The following ELMO1 variants were observed in gnomAD, a reference collection of about 807,000 sequenced individuals.
The protein encoded by ELMO1 is engulfment and cell motility 1, also known as engulfment and cell motility protein 1.
In ELMO1, 26 loss-of-function variants were observed where a neutral mutation model predicts 98.9. The ratio of observed to expected loss-of-function variants is 0.26; its 90% CI spans 0.19 to 0.36. The LOEUF is 0.36. ELMO1 is among the 10% of genes least tolerant of loss of function. The pLI is 1.00. For missense variants in ELMO1, 627 were observed against 935.2 expected (o/e 0.67, Z 4.30); for synonymous variants, 346 against 346.0 (o/e 1.00, Z 0.00).
At chr7:37,108,780 C>A (rs770075585) in intron 14 of ELMO1, among the ~76,000 whole-genome samples, 2 of 152,184 alleles carry the variant, frequency 1.3e-5, no homozygotes, top group Non-Finnish European at 2.9e-5. Flanking sequence ...AGTTATTGAA[C>A]AAGTGCATGG....
intron 1 of ELMO1, among the ~76,000 whole-genome samples, chr7:37,447,714 C>CCACACACACACACACACA (rs3054415): frequency 6.4e-4 from 84 of 132,242 alleles, no homozygotes; most frequent in African/African-American, 1.0e-3. Context: ...CGCGCACACA[C>CCACACACACACACACACA]CACACACACA....
At chr7:36,861,511 G>A (rs1205078339) in intron 21 of ELMO1, 148 bp downstream of exon 21, 3 of 800,746 alleles carry the variant, frequency 3.7e-6, no homozygotes, top group Non-Finnish European at 5.9e-6. Flanking sequence ...TTTGTCAAGA[G>A]GTTTCTATTC....
intron 16 of ELMO1, among the ~76,000 whole-genome samples, chr7:36,934,284 A>G (rs912095879): frequency 6.6e-6 from 1 of 152,218 alleles, no homozygotes. Flanking sequence ...ACGCTTTCTT[A>G]AAAGGCTCAG....
chr7:36,914,729 G>C (rs1031898768), intron 16 of ELMO1, among the ~76,000 whole-genome samples: 3 of 152,148 alleles, frequency 2.0e-5, no homozygotes, highest in Admixed American at 1.3e-4. Context: ...GGCCAGGATG[G>C]TCTCGATCTT....
intron 14 of ELMO1, among the ~76,000 whole-genome samples, chr7:37,113,398 C>T (rs1785372606): frequency 6.6e-6 from 1 of 152,134 alleles, no homozygotes; most frequent in Non-Finnish European, 1.5e-5. Flanking sequence ...CAGTGAATAT[C>T]GAGCATGTAA....
At chr7:36,968,701 G>T (rs530029079) in intron 16 of ELMO1, among the ~76,000 whole-genome samples, 1 of 152,092 alleles carries the variant, frequency 6.6e-6, no homozygotes, top group East Asian at 1.9e-4. Context: ...TGCCTTAACA[G>T]AAATAGTTCT....
At chr7:37,242,642 G>C (rs1794817415) in intron 7 of ELMO1, among the ~76,000 whole-genome samples, 1 of 152,226 alleles carries the variant, frequency 6.6e-6, no homozygotes, top group Admixed American at 6.5e-5. Flanking sequence ...AGTGACAGCT[G>C]ACATCTTTGC....
At chr7:37,204,051 C>T (rs1425082873) in intron 13 of ELMO1, 3 of 454,252 alleles carry the variant, frequency 6.6e-6, no homozygotes, top group Non-Finnish European at 1.3e-5. Context: ...ATTTAGCCCC[C>T]GAATTCTAAG....
chr7:36,944,042 C>G (rs1259720551), intron 16 of ELMO1, among the ~76,000 whole-genome samples: 1 of 152,174 alleles, frequency 6.6e-6, no homozygotes, highest in Non-Finnish European at 1.5e-5. Flanking sequence ...ACAGGTGGGG[C>G]ATCTCTGCTC....
intron 13 of ELMO1, among the ~76,000 whole-genome samples, chr7:37,153,586 G>T (rs924046386): frequency 1.8e-4 from 27 of 152,298 alleles, no homozygotes; most frequent in African/African-American, 5.3e-4. Flanking sequence ...AGGGGGAGGG[G>T]TGTCTGCCAC....
intron 1 of ELMO1, among the ~76,000 whole-genome samples, chr7:37,405,125 T>G (rs17171026): frequency 0.23 from 35,364 of 151,984 alleles, 4,363 homozygotes; most frequent in East Asian, 0.42. Flanking sequence ...AAGCATAACT[T>G]TGAGTGACAA....
At chr7:37,185,086 C>T (rs939733656) in intron 13 of ELMO1, among the ~76,000 whole-genome samples, 1 of 152,166 alleles carries the variant, frequency 6.6e-6, no homozygotes, top group Non-Finnish European at 1.5e-5. Context: ...TCTCTCATCA[C>T]GTCATTAAAA....
chr7:37,237,815 C>T (rs1794560258), intron 7 of ELMO1, among the ~76,000 whole-genome samples: 1 of 152,192 alleles, frequency 6.6e-6, no homozygotes, highest in African/African-American at 2.4e-5. Flanking sequence ...AAAAGCATGA[C>T]TTATGTCAGC....
Position 37,224,960 on chromosome 7 carries a change from G to A in ELMO1, c.620C>T (p.Ser207Leu), listed in dbSNP as rs1205672205. 7 of 1,613,916 alleles carry A rather than the reference G, an allele frequency of 4.3e-6. No homozygotes were observed. The highest frequency in any genetic ancestry group is 1.3e-5 in the African/African-American group (1 of 74,872). Residue 207 changes from serine to leucine, a missense_variant, in exon 9 of 22, where the codon TCG (serine) becomes TTG (leucine). By Grantham distance (145) the Ser-to-Leu change is moderately radical (BLOSUM62 -2). This residue lies in a region of ELMO1 where 492 missense variants were observed against 715.6 expected (regional missense o/e 0.69). Transcript: ENST00000310758. ...ILQRSLAILE[S>L]MVLNSHDLYQ... is the part of the protein sequence containing the mutation. ...GAGGTCATGGCTATTGAGCACCATC[G>A]ACTCCAAAATGGCCAAGGACCGCTG...
intron 8 of ELMO1, 113 bp downstream of exon 8, chr7:37,232,982 C>T (rs1202470546): frequency 1.1e-6 from 1 of 922,118 alleles, no homozygotes; most frequent in African/African-American, 1.7e-5. Context: ...TCATACCCAT[C>T]TTTTAATATA....
At chr7:36,900,309 T>G (rs1249051249) in intron 16 of ELMO1, among the ~76,000 whole-genome samples, 4 of 152,230 alleles carry the variant, frequency 2.6e-5, no homozygotes, top group African/African-American at 9.6e-5. Context: ...CTGTCTAGAT[T>G]GTAAGTCCCT....
chr7:37,362,520 C>T (rs992910441), intron 1 of ELMO1, among the ~76,000 whole-genome samples: 4 of 152,094 alleles, frequency 2.6e-5, no homozygotes, highest in African/African-American at 9.7e-5. Context: ...CTCCAGGCAT[C>T]GCCTCTAGGT....
chr7:36,999,545 C>T (rs1233058776), intron 16 of ELMO1, among the ~76,000 whole-genome samples: 1 of 152,154 alleles, frequency 6.6e-6, no homozygotes, highest in Non-Finnish European at 1.5e-5. Flanking sequence ...TTAGACTTTA[C>T]TACAACTTAT....
At chr7:36,979,047 T>G (rs1395120550) in intron 16 of ELMO1, among the ~76,000 whole-genome samples, 1 of 152,186 alleles carries the variant, frequency 6.6e-6, no homozygotes, top group African/African-American at 2.4e-5. Flanking sequence ...TCTTACTTGG[T>G]GGCTATGCTG....
Sources: allele counts gnomAD v4.1 joint callset (sites outside exome capture counted in the v4.1 genomes callset), GRCh38; gene constraint gnomAD v4.1.1; regional missense constraint gnomAD v4.1.1; transcripts MANE v1.5; gene names NCBI Gene and HGNC (gene_info 2026-07-23, HGNC 2026-07-21).